Variants in PDXDC1 observed in about 807,000 individuals in gnomAD.
The protein encoded by PDXDC1 is pyridoxal dependent decarboxylase domain containing 1.
Under a neutral mutation model 100.1 loss-of-function variants are expected in PDXDC1, and 42 were observed. The ratio of observed to expected loss-of-function variants is 0.42; its 90% CI spans 0.33 to 0.54. The LOEUF is 0.54. Among genes scored for constraint, PDXDC1 ranks in the 20% least tolerant of loss-of-function variants. The pLI, the probability that PDXDC1 is intolerant of heterozygous loss-of-function variation, is 0.10. For missense variants in PDXDC1, 636 were observed against 979.2 expected (o/e 0.65, Z 4.68); for synonymous variants, 260 against 371.7 (o/e 0.70, Z 3.46).
chr16:15,029,103 C>T lies in PDXDC1; in HGVS notation c.1293+137C>T, dbSNP rs2042860938. ...CCGCCCTGCCAGTGCTGGGCCTGCTCTGGAGTTCTGTTCCCCATTGCGTTA... is the reference window on the plus strand; with the variant it reads ...CCGCCCTGCCAGTGCTGGGCCTGCTTTGGAGTTCTGTTCCCCATTGCGTTA... On this transcript the variant is annotated intron_variant, in intron 15 of 22. Transcript: ENST00000396410. The T allele has an allele frequency of 3.1e-5, 31 of 1,007,294 alleles. No individual in the cohort carries two copies. In the East Asian group the frequency reaches 8.3e-4, roughly 27 times the overall value. The allele number at this position is 1,007,294 out of a possible 1,614,324, so 62.4% of individuals were successfully genotyped here. A position where few individuals can be genotyped will look rare whatever the true frequency, so the allele number is the denominator to read the frequency against.
chr16:15,088,214 T>C (rs536146598), intron 16 of PDXDC1, among the ~76,000 whole-genome samples: 41 of 152,288 alleles, frequency 2.7e-4, no homozygotes, highest in Non-Finnish European at 4.9e-4. Context: ...GGCTCATGCC[T>C]GTAATCCCAG....
chr16:15,071,757 G>C (rs2045240398), intron 16 of PDXDC1, among the ~76,000 whole-genome samples: 1 of 152,144 alleles, frequency 6.6e-6, no homozygotes, highest in Non-Finnish European at 1.5e-5. Context: ...GACAGAGTGA[G>C]ACTCCATCTC....
chr16:15,083,562 G>A (rs1204124887), intron 16 of PDXDC1: 1 of 1,608,958 alleles, frequency 6.2e-7, no homozygotes, highest in East Asian at 2.2e-5. Flanking sequence ...CACCAGTATT[G>A]GCATGAGAAA....
At chr16:15,081,884 T>A (rs977143659) in intron 16 of PDXDC1, among the ~76,000 whole-genome samples, 1 of 152,220 alleles carries the variant, frequency 6.6e-6, no homozygotes, top group African/African-American at 2.4e-5. Context: ...CATATCCACT[T>A]CTGCCAGCAG....
chr16:15,145,250 C>A, the PDXDC1 span, among the ~76,000 whole-genome samples: 1 of 152,220 alleles, frequency 6.6e-6, no homozygotes, highest in Non-Finnish European at 1.5e-5. Flanking sequence ...GAGAGGGCAG[C>A]AGCACAGATC....
At chr16:15,096,367 C>G (rs1428536161) in intron 16 of PDXDC1, among the ~76,000 whole-genome samples, 2 of 152,120 alleles carry the variant, frequency 1.3e-5, no homozygotes, top group Non-Finnish European at 2.9e-5. Flanking sequence ...CCTTGGCATC[C>G]CAAAGTGCTG....
intron 16 of PDXDC1, among the ~76,000 whole-genome samples, chr16:15,076,978 C>T (rs1409469066): frequency 2.5e-5 from 2 of 80,014 alleles, no homozygotes; most frequent in African/African-American, 6.4e-5. Context: ...CCACCCAAAT[C>T]ACTTTTTTTT....
At chr16:14,994,931 G>T (rs1434726425) in intron 1 of PDXDC1, among the ~76,000 whole-genome samples, 2 of 152,294 alleles carry the variant, frequency 1.3e-5, no homozygotes, top group Non-Finnish European at 2.9e-5. Context: ...TCATGATTTG[G>T]CTCTCTGTTT....
At chr16:15,080,819 T>G (rs2045666044) in intron 16 of PDXDC1, among the ~76,000 whole-genome samples, 2 of 75,642 alleles carry the variant, frequency 2.6e-5, no homozygotes, top group Admixed American at 3.7e-4. Flanking sequence ...AGTCTTTCTA[T>G]GAATCTGCCT....
intron 16 of PDXDC1, chr16:15,079,920 A>C: frequency 7.2e-7 from 1 of 1,397,158 alleles, no homozygotes; most frequent in Non-Finnish European, 9.7e-7. Context: ...TCTATCACTG[A>C]CTATTGTTTC....
upstream of PDXDC1, chr16:14,974,825 G>A (rs1351259592): frequency 6.5e-7 from 1 of 1,535,422 alleles, no homozygotes; most frequent in Non-Finnish European, 8.7e-7. Context: ...AGTATTTCCA[G>A]CCTTTCACTC....
At chr16:15,076,052 T>C (rs1268522943) in intron 16 of PDXDC1, among the ~76,000 whole-genome samples, 1 of 152,120 alleles carries the variant, frequency 6.6e-6, no homozygotes, top group Non-Finnish European at 1.5e-5. Context: ...GAATGCCTGG[T>C]GGGAGCAGGC....
chr16:15,070,652 T>C (rs1597902233), intron 16 of PDXDC1, among the ~76,000 whole-genome samples: 1 of 152,106 alleles, frequency 6.6e-6, no homozygotes, highest in Admixed American at 6.6e-5. Flanking sequence ...TCAAGTCCTA[T>C]GGTGAATAAT....
intron 16 of PDXDC1, among the ~76,000 whole-genome samples, chr16:15,106,541 G>GATCAA (rs2033919982): frequency 6.7e-6 from 1 of 150,120 alleles, no homozygotes; most frequent in South Asian, 2.2e-4. Context: ...GGATCACGAG[G>GATCAA]TCAGGAGATT....
intron 16 of PDXDC1, among the ~76,000 whole-genome samples, chr16:15,091,575 G>C (rs925484909): frequency 6.6e-5 from 10 of 151,460 alleles, no homozygotes; most frequent in Non-Finnish European, 7.4e-5. Context: ...AAAGGAAAAT[G>C]ATAAACTACA....
intron 3 of PDXDC1, among the ~76,000 whole-genome samples, chr16:15,000,017 A>G (rs980289350): frequency 4.6e-5 from 7 of 152,304 alleles, no homozygotes; most frequent in Non-Finnish European, 1.0e-4. Context: ...TAATACTTTA[A>G]AAGTCACTCC....
intron 1 of PDXDC1, among the ~76,000 whole-genome samples, chr16:14,983,488 G>A (rs1348039176): frequency 1.3e-5 from 2 of 148,506 alleles, no homozygotes; most frequent in African/African-American, 4.9e-5. Flanking sequence ...CAGGAGAATC[G>A]CTTGAACCCG....
intron 16 of PDXDC1, chr16:15,133,771 C>A (rs890079940): frequency 6.3e-7 from 1 of 1,590,002 alleles, no homozygotes. Context: ...TCCCGCTGCT[C>A]CCCCTAAGCA....
At chr16:15,130,657 A>C in intron 16 of PDXDC1, 1 of 1,423,656 alleles carries the variant, frequency 7.0e-7, no homozygotes, top group Non-Finnish European at 9.9e-7. Flanking sequence ...AAGAAGGTGT[A>C]GGGCCGGTGG....
Sources: gnomAD v4.1 joint callset for allele counts (sites outside exome capture counted in the v4.1 genomes callset) on GRCh38, gnomAD v4.1.1 for gene constraint, MANE v1.5 for transcripts, NCBI Gene and HGNC (gene_info 2026-07-23, HGNC 2026-07-21) for gene names.